Variants in ASXL3 observed in about 807,000 individuals in gnomAD.
ASXL3 encodes the protein ASXL transcriptional regulator 3.
Under a neutral mutation model 170.6 loss-of-function variants are expected in ASXL3, and 34 were observed. The observed-to-expected ratio is 0.20, with a 90% confidence interval of 0.15 to 0.27. The LOEUF is 0.27. Ranked by LOEUF, ASXL3 falls within the 10% of genes least tolerant of loss-of-function variation. The pLI, the probability that ASXL3 is intolerant of heterozygous loss-of-function variation, is 1.00. For missense variants in ASXL3, 2,592 were observed against 2,695.3 expected (o/e 0.96, Z 0.85); for synonymous variants, 1,002 against 989.1 (o/e 1.01, Z -0.24).
chr18:33,684,049 C>A (rs995014571), intron 8 of ASXL3, among the ~76,000 whole-genome samples: 9 of 152,088 alleles, frequency 5.9e-5, no homozygotes, highest in African/African-American at 2.2e-4. Flanking sequence ...CACCTTTTAC[C>A]ATTTTTAAAA....
At chr18:33,660,725 A>G (rs1053961939) in intron 4 of ASXL3, among the ~76,000 whole-genome samples, 1 of 152,102 alleles carries the variant, frequency 6.6e-6, no homozygotes, top group African/African-American at 2.4e-5. Context: ...CCCCCAGTGT[A>G]TACAGAAAAG....
At chr18:33,612,645 G>T (rs2065354540) in intron 2 of ASXL3, among the ~76,000 whole-genome samples, 1 of 151,930 alleles carries the variant, frequency 6.6e-6, no homozygotes, top group Non-Finnish European at 1.5e-5. Flanking sequence ...TAAATATGTT[G>T]CATTTCTTTA....
In ASXL3 at chr18:33,745,765, G is replaced by A; in HGVS notation, c.5917G>A (p.Gly1973Arg). ...CAGGCATCTTGAACAGAAGGGATTG[G>A]GAGAGGTTAGTCTTTCCTCAGCACC... ...FNRHLEQKGLGEVSLSSAPHQ... is the reference protein window; with the variant it reads ...FNRHLEQKGLREVSLSSAPHQ... Residue 1973 changes from glycine (G) to arginine (R), a missense_variant, in exon 12 of 12, where the codon GGA becomes AGA. Gly to Arg is a moderately radical substitution (Grantham distance 125). This residue lies in a region of ASXL3 where 2,246 missense variants were observed against 2,219.6 expected (regional missense o/e 1.01). Transcript: ENST00000269197. 3.1e-6 allele frequency: 5 copies of A among 1,613,988 alleles called. No homozygotes were observed. The highest frequency in any genetic ancestry group is 4.2e-6 in the Non-Finnish European group (5 of 1,179,890).
intron 1 of ASXL3, among the ~76,000 whole-genome samples, chr18:33,600,511 GAAGTTTTACTTTGTAAAAC>G (rs149972165): frequency 0.042 from 6,370 of 152,054 alleles, 441 homozygotes; most frequent in African/African-American, 0.15. Flanking sequence ...TTTGTTAAGA[GAAGTTTTACTTTGTAAAAC>G]AAGTTTTACA....
chr18:33,670,528 A>G, intron 5 of ASXL3, 145 bp from the exon 6 acceptor site: 1 of 572,090 alleles, frequency 1.7e-6, no homozygotes, highest in Non-Finnish European at 2.9e-6. Context: ...GTAACTATTA[A>G]GAATCCTGAG....
At chr18:33,610,198 C>G (rs1011961365) in intron 2 of ASXL3, among the ~76,000 whole-genome samples, 5 of 151,988 alleles carry the variant, frequency 3.3e-5, no homozygotes, top group African/African-American at 1.2e-4. Context: ...TGAAGTGTAA[C>G]TGTATGTATT....
chr18:33,601,535 A>G (rs912218373), intron 1 of ASXL3, among the ~76,000 whole-genome samples: 3 of 151,880 alleles, frequency 2.0e-5, no homozygotes, highest in African/African-American at 7.2e-5. Context: ...AAAGTTCCAA[A>G]TATAGAATGA....
At chr18:33,602,234 C>G (rs1322093647) in intron 1 of ASXL3, among the ~76,000 whole-genome samples, 1 of 152,012 alleles carries the variant, frequency 6.6e-6, no homozygotes, top group East Asian at 1.9e-4. Flanking sequence ...CCCTGCCATT[C>G]TATGGAAAAA....
In ASXL3 at chr18:33,742,941, C is replaced by T; in HGVS notation, c.3093C>T (p.Ser1031=). 6.2e-7 allele frequency: 1 copy of T among 1,613,378 alleles called. No homozygotes were observed. Among genetic ancestry groups the T allele is most frequent in the Non-Finnish European group, 8.5e-7 (1 of 1,179,732 alleles). ...PPFIIKSQPV[S]KPESRASTST... ...TTATAATCAAGAGCCAACCAGTCTC[C>T]AAACCTGAGTCTCGAGCATCCACTA... The change falls in exon 12 of 12, where the codon TCC becomes TCT. Residue 1031 remains serine, a synonymous_variant. Transcript: ENST00000269197.
At chr18:33,694,302 CCTTT>C (rs1202474375) in intron 8 of ASXL3, among the ~76,000 whole-genome samples, 2 of 152,094 alleles carry the variant, frequency 1.3e-5, no homozygotes, top group African/African-American at 4.8e-5. Context: ...GCGGATCTCT[CCTTT>C]CTTTAAGAAT....
intron 1 of ASXL3, among the ~76,000 whole-genome samples, chr18:33,590,510 A>G (rs562546789): frequency 6.6e-6 from 1 of 152,312 alleles, no homozygotes; most frequent in African/African-American, 2.4e-5. Flanking sequence ...TGCCTTTGCT[A>G]TATAGACGGT....
intron 2 of ASXL3, among the ~76,000 whole-genome samples, chr18:33,630,952 TG>T (rs2065667619): frequency 2.0e-5 from 3 of 151,998 alleles, no homozygotes; most frequent in African/African-American, 7.2e-5. Flanking sequence ...AATGTAAATA[TG>T]AAAAGTCATA....
intron 4 of ASXL3, 75 bp from the exon 5 acceptor site, chr18:33,661,541 C>A: frequency 1.4e-6 from 2 of 1,418,142 alleles, no homozygotes; most frequent in Non-Finnish European, 9.6e-7. Flanking sequence ...TGCAGAAAAG[C>A]TCCAAGTGTG....
At chr18:33,665,199 C>CTTAT (rs1198879962) in intron 5 of ASXL3, among the ~76,000 whole-genome samples, 1 of 152,144 alleles carries the variant, frequency 6.6e-6, no homozygotes, top group Non-Finnish European at 1.5e-5. Flanking sequence ...TGGTAGTGAA[C>CTTAT]ATAACCTTTC....
chr18:33,586,309 G>C (rs2065033723), intron 1 of ASXL3, among the ~76,000 whole-genome samples: 1 of 151,844 alleles, frequency 6.6e-6, no homozygotes, highest in South Asian at 2.1e-4. Flanking sequence ...GGAACATCAG[G>C]ACTCTTTGTG....
intron 2 of ASXL3, among the ~76,000 whole-genome samples, chr18:33,618,508 T>G (rs1182169442): frequency 6.6e-6 from 1 of 152,128 alleles, no homozygotes; most frequent in Non-Finnish European, 1.5e-5. Flanking sequence ...GATATTACTG[T>G]TAAGTTAATT....
At chr18:33,738,373 T>G in intron 10 of ASXL3, 114 bp from the exon 11 acceptor site, 1 of 1,093,680 alleles carries the variant, frequency 9.1e-7, no homozygotes, top group Non-Finnish European at 1.3e-6. Flanking sequence ...TGTTAATGAT[T>G]ATAAATGTAA....
chr18:33,701,024 T>A (rs1292752321), intron 8 of ASXL3, among the ~76,000 whole-genome samples: 1 of 151,990 alleles, frequency 6.6e-6, no homozygotes, highest in Non-Finnish European at 1.5e-5. Flanking sequence ...ACCCAGTATT[T>A]TCCAAAAGAT....
At chr18:33,596,185 T>G (rs994825191) in intron 1 of ASXL3, among the ~76,000 whole-genome samples, 3 of 152,202 alleles carry the variant, frequency 2.0e-5, no homozygotes, top group Admixed American at 2.0e-4. Context: ...TAGAGTAGAT[T>G]AGCATTTTGA....
Sources: allele counts gnomAD v4.1 joint callset (sites outside exome capture counted in the v4.1 genomes callset), GRCh38; gene constraint gnomAD v4.1.1; regional missense constraint gnomAD v4.1.1; transcripts MANE v1.5; gene names NCBI Gene and HGNC (gene_info 2026-07-23, HGNC 2026-07-21).